The following CEP192 variants were observed in gnomAD, a reference collection of about 807,000 sequenced individuals.
CEP192 encodes the protein centrosomal protein of 192 kDa.
A neutral mutation model predicts 271.8 loss-of-function variants in CEP192; 151 were observed. That is an observed-to-expected ratio of 0.56 (90% CI 0.49 to 0.64). The LOEUF (loss-of-function observed/expected upper bound fraction) is 0.64, where lower values mean the gene tolerates loss of function less well. Among genes scored for constraint, CEP192 ranks in the 30% least tolerant of loss-of-function variants. CEP192 has a pLI of 0.00. For synonymous variants in CEP192, 995 were observed against 1,076.5 expected, an observed-to-expected ratio of 0.92 and a Z score of 1.48; for missense variants, 2,910 against 3,020.5, an observed-to-expected ratio of 0.96 and a Z score of 0.86.
rs796978417 is a variant in CEP192, at chr18:13,000,092, T to TCTCTC, written c.164+504_164+505insCTCTC. On this transcript the variant is annotated intron_variant, in intron 2 of 44. Coordinates refer to ENST00000506447, the MANE Select transcript of CEP192 (RefSeq NM_032142.4). ...TCTGTATAACTCATTGTCTTCTCTC[T>TCTCTC]TTTTTTTTTTTTTTTTTTTTTTTTT... is the stretch of plus-strand genomic sequence containing the variant. Among the ~76,000 whole-genome samples, 112 of 22,330 alleles carry TCTCTC rather than the reference T, an allele frequency of 5.0e-3. 4 individuals carry two copies. The highest frequency in any genetic ancestry group is 0.041 in the African/African-American group (101 of 2,446). 14.6% of individuals were successfully genotyped at this position (22,330 alleles called of 152,430 possible).
Position 13,000,091 on chromosome 18 carries a change from CTTTTT to C in CEP192, c.164+526_164+530del, listed in dbSNP as rs775544715. On this transcript the variant is annotated intron_variant, in intron 2 of 44. Coordinates refer to ENST00000506447, the MANE Select transcript of CEP192 (RefSeq NM_032142.4). ...CTCTGTATAACTCATTGTCTTCTCT[CTTTTT>C]TTTTTTTTTTTTTTTTTTTTTTGCT... Among the ~76,000 whole-genome samples the C allele has an allele frequency of 6.9e-4, 53 of 76,748 alleles. 2 individuals are homozygous for C. Among genetic ancestry groups the C allele is most frequent in the Admixed American group, 1.8e-3 (10 of 5,540 alleles). 50.3% of individuals were successfully genotyped at this position (76,748 alleles called of 152,430 possible).
At chr18:13,062,340 T>C (rs1461919054) in intron 21 of CEP192, among the ~76,000 whole-genome samples, 1 of 152,210 alleles carries the variant, frequency 6.6e-6, no homozygotes, top group Non-Finnish European at 1.5e-5. Flanking sequence ...AGAGGCCACA[T>C]GCATAGAAAC....
rs1233342505 is a variant in CEP192, at chr18:13,049,776, A to G, written c.2902A>G (p.Thr968Ala). The G allele has an allele frequency of 6.2e-7, 1 of 1,611,854 alleles. No homozygotes were observed. The highest frequency in any genetic ancestry group is 8.5e-7 in the Non-Finnish European group (1 of 1,179,290). ...CCCCTTTCTGATAGATTTGAAAAATACCTCTCCTGAGCATGGTGGACGTGG... is the reference window on the plus strand; with the variant it reads ...CCCCTTTCTGATAGATTTGAAAAATGCCTCTCCTGAGCATGGTGGACGTGG... ...VSPKNSDLKNTSPEHGGRGSE... is the reference protein window; with the variant it reads ...VSPKNSDLKNASPEHGGRGSE... Residue 968 changes from threonine (T) to alanine (A), a missense_variant, in exon 17 of 45, where the codon ACC (threonine) becomes GCC (alanine). By Grantham distance (58) the Thr-to-Ala change is moderately conservative. Coordinates refer to ENST00000506447, the MANE Select transcript of CEP192 (RefSeq NM_032142.4).
At chr18:13,094,065 C>A (rs2039276961) in intron 34 of CEP192, among the ~76,000 whole-genome samples, 1 of 152,190 alleles carries the variant, frequency 6.6e-6, no homozygotes, top group Non-Finnish European at 1.5e-5. Context: ...TTTGCAGATT[C>A]AATTTTCACA....
intron 30 of CEP192, among the ~76,000 whole-genome samples, chr18:13,076,369 C>T (rs1328882988): frequency 6.6e-6 from 1 of 151,784 alleles, no homozygotes; most frequent in Admixed American, 6.6e-5. Flanking sequence ...GGACTACAGG[C>T]GCGTGCCACC....
intron 14 of CEP192, 39 bp downstream of exon 14, chr18:13,040,995 T>C: frequency 6.4e-7 from 1 of 1,568,732 alleles, no homozygotes; most frequent in Non-Finnish European, 8.6e-7. Context: ...GAATCTTTTT[T>C]TTCTTAAATG....
At chr18:13,011,743 C>T (rs2034373085) in intron 4 of CEP192, among the ~76,000 whole-genome samples, 1 of 152,126 alleles carries the variant, frequency 6.6e-6, no homozygotes, top group Non-Finnish European at 1.5e-5. Flanking sequence ...AGGCTGGTCT[C>T]GAACTCCTGA....
At chr18:13,022,619 G>A (rs187353636) in intron 9 of CEP192, among the ~76,000 whole-genome samples, 3 of 152,070 alleles carry the variant, frequency 2.0e-5, no homozygotes, top group Non-Finnish European at 4.4e-5. Flanking sequence ...GATTTCAAAC[G>A]ATCCACCCGC....
At chr18:13,080,172 A>T (rs1365587394) in intron 30 of CEP192, among the ~76,000 whole-genome samples, 2 of 152,204 alleles carry the variant, frequency 1.3e-5, no homozygotes, top group African/African-American at 2.4e-5. Flanking sequence ...AATTCTGTGA[A>T]GAAAGTCACT....
chr18:13,075,015 A>G (rs571613004), intron 30 of CEP192, among the ~76,000 whole-genome samples: 1 of 152,350 alleles, frequency 6.6e-6, no homozygotes, highest in East Asian at 1.9e-4. Flanking sequence ...CTCAATCACT[A>G]AGTGGATGCT....
chr18:13,032,380 G>T (rs2035680809), intron 11 of CEP192, among the ~76,000 whole-genome samples: 1 of 150,622 alleles, frequency 6.6e-6, no homozygotes, highest in Admixed American at 6.6e-5. Flanking sequence ...ATTGTGGTTT[G>T]AGGCAGAAGT....
At position 13,057,681 on chromosome 18, in the gene CEP192, G is replaced by T. The variant is rs150556558; in HGVS notation, c.4205G>T (p.Arg1402Leu). Residue 1402 changes from arginine (R) to leucine (L), a missense_variant, in exon 20 of 45, where the codon CGC becomes CTC. Coordinates refer to ENST00000506447, the MANE Select transcript of CEP192 (RefSeq NM_032142.4). ...TLLSVLNPTDRWLQVSIGVLS... is the reference protein window; with the variant it reads ...TLLSVLNPTDLWLQVSIGVLS... ...CTCAGTGTGCTTAATCCAACTGACCGCTGGCTGCAAGTCAGCATTGGGGTC... is the reference window on the plus strand; with the variant it reads ...CTCAGTGTGCTTAATCCAACTGACCTCTGGCTGCAAGTCAGCATTGGGGTC... 6 of 1,613,858 alleles carry T rather than the reference G, an allele frequency of 3.7e-6. No individual in the cohort carries two copies. The highest frequency in any genetic ancestry group is 5.1e-6 in the Non-Finnish European group (6 of 1,179,938).
intron 18 of CEP192, among the ~76,000 whole-genome samples, chr18:13,055,560 TC>T (rs1466890768): frequency 6.6e-6 from 1 of 152,228 alleles, no homozygotes; most frequent in Non-Finnish European, 1.5e-5. Flanking sequence ...CTATTTATTT[TC>T]CTCATGGTAT....
intron 9 of CEP192, among the ~76,000 whole-genome samples, chr18:13,026,425 T>C (rs912457528): frequency 2.6e-5 from 4 of 152,218 alleles, no homozygotes; most frequent in Non-Finnish European, 5.9e-5. Context: ...CTTCCCGGTA[T>C]GTGGCTTATT....
Position 13,114,244 on chromosome 18 carries a change from A to C in CEP192, c.7282A>C (p.Ile2428Leu), listed in dbSNP as rs970688039. Residue 2428 changes from isoleucine (I) to leucine (L), a missense_variant, in exon 42 of 45, where the codon ATA becomes CTA. Transcript: ENST00000506447. ...RQAVSEASAR[I>L]PEQLDVTARG... ...AGCTGTGTCAGAGGCTTCTGCTCGC[A>C]TACCTGAGTATGTTGTTTTTGTCAT... The C allele has an allele frequency of 6.2e-7, 1 of 1,612,260 alleles. No individual in the cohort carries two copies. The highest frequency in any genetic ancestry group is 2.2e-5 in the East Asian group (1 of 44,868).
At chr18:13,058,821 G>T in intron 20 of CEP192, 1 of 461,014 alleles carries the variant, frequency 2.2e-6, no homozygotes, top group South Asian at 2.3e-5. Flanking sequence ...TTTAAGACAA[G>T]TGAGTGTAAG....
intron 44 of CEP192, among the ~76,000 whole-genome samples, chr18:13,122,570 GA>G (rs2040717619): frequency 8.4e-6 from 1 of 119,318 alleles, no homozygotes; most frequent in Admixed American, 8.6e-5. Context: ...GACAGAGCGA[GA>G]ATCCGTCTGA....
intron 32 of CEP192, among the ~76,000 whole-genome samples, chr18:13,088,559 T>C (rs1272763669): frequency 2.0e-5 from 3 of 152,234 alleles, no homozygotes; most frequent in Non-Finnish European, 4.4e-5. Context: ...AATTCTCTTA[T>C]TGTAAAGTGT....
At chr18:13,014,138 T>C (rs144580276) in intron 5 of CEP192, among the ~76,000 whole-genome samples, 2,223 of 152,352 alleles carry the variant, frequency 0.015, 35 homozygotes, top group Middle Eastern at 0.051. Context: ...GACCCTGCCC[T>C]ATGCACTCAC....
Sources: gnomAD v4.1 joint callset for allele counts (sites outside exome capture counted in the v4.1 genomes callset) on GRCh38, gnomAD v4.1.1 for gene constraint, MANE v1.5 for transcripts, NCBI Gene and HGNC (gene_info 2026-07-23, HGNC 2026-07-21) for gene names.